MACF1: variants seen among roughly 807,000 people sequenced by gnomAD.
MACF1 encodes the protein microtubule-actin cross-linking factor 1.
Under a neutral mutation model 854.8 loss-of-function variants are expected in MACF1, and 193 were observed. The observed-to-expected ratio is 0.23, with a 90% CI of 0.20 to 0.25. The LOEUF (loss-of-function observed/expected upper bound fraction) is 0.25. Ranked by LOEUF, MACF1 falls within the 10% of genes least tolerant of loss-of-function variation. MACF1 has a pLI of 1.00. For missense variants in MACF1, 7,722 were observed against 8,929.1 expected (o/e 0.86, Z 5.45); for synonymous variants, 3,185 against 3,226.7 (o/e 0.99, Z 0.44).
Position 39,437,931 on chromosome 1 carries a change from C to G in MACF1, c.18143C>G (p.Ser6048Cys), listed in dbSNP as rs1222191341. ...ATVELEKLQP[S>C]FEALKRRGEE... ...GTGGAGCTAGAAAAACTGCAGCCAT[C>G]CTTTGAGGCCTTGAAGCGCCGTGGA... Residue 6048 changes from serine to cysteine, a missense_variant, in exon 71 of 101, where the codon TCC (serine) becomes TGC (cysteine). Around this residue, in one of 15 missense-constraint regions of MACF1, gnomAD observed 2,807 missense variants for 3,235.8 expected, o/e 0.87. Transcript: ENST00000564288. 1 of 1,613,998 alleles carries G rather than the reference C, an allele frequency of 6.2e-7. No individual in the cohort carries two copies. Among genetic ancestry groups the G allele is most frequent in the Non-Finnish European group, 8.5e-7 (1 of 1,180,034 alleles).
intron 2 of MACF1, among the ~76,000 whole-genome samples, chr1:39,085,810 A>G (rs558843662): frequency 6.6e-6 from 1 of 152,140 alleles, no homozygotes; most frequent in Non-Finnish European, 1.5e-5. Flanking sequence ...TTCACCTGCC[A>G]CCACCTCTAC....
chr1:39,414,562 C>T (rs975598293), intron 58 of MACF1: 1 of 1,564,820 alleles, frequency 6.4e-7, no homozygotes, highest in Non-Finnish European at 8.7e-7. Flanking sequence ...AGAAATGGCA[C>T]AGATAGTTCT....
At chr1:39,482,816 C>G (rs2995515) in intron 99 of MACF1, among the ~76,000 whole-genome samples, 1 of 64,496 alleles carries the variant, frequency 1.6e-5, no homozygotes, top group African/African-American at 8.2e-5. Context: ...AAAAAAAAAA[C>G]CCCACACAGA....
At chr1:39,107,222 G>T (rs756118102) in intron 2 of MACF1, among the ~76,000 whole-genome samples, 25 of 152,258 alleles carry the variant, frequency 1.6e-4, no homozygotes, top group Non-Finnish European at 2.9e-4. Flanking sequence ...CTCACTGGAT[G>T]GTAGTACTGG....
At chr1:39,087,815 C>A (rs954637922) in intron 2 of MACF1, among the ~76,000 whole-genome samples, 1 of 152,150 alleles carries the variant, frequency 6.6e-6, no homozygotes, top group Non-Finnish European at 1.5e-5. Context: ...CTTTGCCACC[C>A]AGGCTGGAGT....
At chr1:39,100,908 A>ACG (rs889777377) in intron 2 of MACF1, among the ~76,000 whole-genome samples, 2 of 151,224 alleles carry the variant, frequency 1.3e-5, no homozygotes, top group African/African-American at 4.9e-5. Context: ...ATACAAATGC[A>ACG]CGCGCGCGTG....
At chr1:39,297,845 ATTG>A (rs1571291791) in intron 21 of MACF1, 100 bp downstream of exon 21, 1 of 1,373,378 alleles carries the variant, frequency 7.3e-7, no homozygotes, top group Non-Finnish European at 9.9e-7. Flanking sequence ...GCAATGGGCC[ATTG>A]TTGTAATAAA....
chr1:39,368,510 CT>C (rs35652158), intron 50 of MACF1, among the ~76,000 whole-genome samples, 196 bp downstream of exon 50: 1 of 150,882 alleles, frequency 6.6e-6, no homozygotes, highest in Non-Finnish European at 1.5e-5. Context: ...TTTTTCTTTT[CT>C]TTTTTTTTGA....
intron 55 of MACF1, 35 bp from the exon 56 acceptor site, chr1:39,381,918 G>A: frequency 1.3e-6 from 2 of 1,502,084 alleles, no homozygotes; most frequent in Non-Finnish European, 1.9e-6. Context: ...TGTTGATAAT[G>A]TAAAGGAATA....
chr1:39,308,622 G>A (rs1646237120), intron 23 of MACF1, among the ~76,000 whole-genome samples: 1 of 151,954 alleles, frequency 6.6e-6, no homozygotes. Flanking sequence ...GAGATGCTTG[G>A]GAAAGAAATC....
rs150571393 is a variant in MACF1, at chr1:39,442,498, G to A, written c.19035G>A (p.Glu6345=). The stretch of plus-strand genomic sequence containing the variant: ...TGAGTTGGCTGACTCATACCGAAGA[G>A]TTGTTAGATGCTCAGAGACCAATAA... ...ELMSWLTHTE[E]LLDAQRPISG... The change falls in exon 77 of 101, where the codon GAG becomes GAA. Residue 6345 remains glutamate (E), a synonymous_variant. Coordinates refer to ENST00000564288, the MANE Select transcript of MACF1 (RefSeq NM_001394062.1). 1 of 1,614,236 alleles carries A rather than the reference G, an allele frequency of 6.2e-7. No homozygotes were observed. The highest frequency in any genetic ancestry group is 8.5e-7 in the Non-Finnish European group (1 of 1,180,040).
intron 40 of MACF1, among the ~76,000 whole-genome samples, chr1:39,345,831 G>T (rs896538051): frequency 3.3e-5 from 5 of 152,176 alleles, no homozygotes; most frequent in African/African-American, 1.2e-4. Context: ...ACTTTGGGAG[G>T]TTAAGGAGGG....
intron 73 of MACF1, 39 bp downstream of exon 73, chr1:39,441,164 G>A (rs962511254): frequency 6.2e-7 from 1 of 1,614,038 alleles, no homozygotes. Context: ...TAGAACATTA[G>A]TGGGCCCAGA....
At chr1:39,150,512 A>G (rs1643557278) in intron 2 of MACF1, among the ~76,000 whole-genome samples, 1 of 152,198 alleles carries the variant, frequency 6.6e-6, no homozygotes, top group Non-Finnish European at 1.5e-5. Context: ...TTTTTCTTAA[A>G]TACTCAAACA....
In MACF1 at chr1:39,323,021, G is replaced by C; in HGVS notation, c.4236+13G>C. 6.2e-7 allele frequency: 1 copy of C among 1,612,044 alleles called. No homozygotes were observed. ...GGAGGAGGAGGAGGTGAGGACAGTT[G>C]GGTCCAAAGTCATCTTGAAAGTACA... is the stretch of plus-strand genomic sequence containing the variant. On this transcript the variant is annotated intron_variant, in intron 33 of 100. Transcript: ENST00000564288.
At chr1:39,113,193 A>C (rs575401746) in intron 2 of MACF1, among the ~76,000 whole-genome samples, 1 of 152,112 alleles carries the variant, frequency 6.6e-6, no homozygotes, top group Admixed American at 6.5e-5. Context: ...CAGTGCTTCT[A>C]AGTGGCTCAC....
chr1:39,435,520 A>G (rs943236953), intron 69 of MACF1, 38 bp from the exon 70 acceptor site: 5 of 1,513,864 alleles, frequency 3.3e-6, no homozygotes, highest in African/African-American at 1.4e-5. Flanking sequence ...AAACTGGTAT[A>G]AAAGTACTCA....
chr1:39,472,394 A>G (rs537102567), intron 97 of MACF1, among the ~76,000 whole-genome samples: 1 of 152,324 alleles, frequency 6.6e-6, no homozygotes, highest in Non-Finnish European at 1.5e-5. Flanking sequence ...CAATTTTCAC[A>G]GCTTCCAACT....
chr1:39,459,913 C>T, intron 91 of MACF1: 1 of 1,105,734 alleles, frequency 9.0e-7, no homozygotes, highest in Non-Finnish European at 1.2e-6. Context: ...CTTTTTTCCC[C>T]CATTCCTTCT....
Sources: gnomAD v4.1 joint callset for allele counts (sites outside exome capture counted in the v4.1 genomes callset) on GRCh38, gnomAD v4.1.1 for gene constraint, gnomAD v4.1.1 regional missense constraint, MANE v1.5 for transcripts, NCBI Gene and HGNC (gene_info 2026-07-23, HGNC 2026-07-21) for gene names.